Variants in ZSWIM5 observed in about 807,000 individuals in gnomAD.
The protein encoded by ZSWIM5 is zinc finger SWIM domain-containing protein 5.
Under a neutral mutation model 119.6 loss-of-function variants are expected in ZSWIM5, and 55 were observed. The ratio of observed to expected loss-of-function variants is 0.46; its 90% CI spans 0.37 to 0.58. The LOEUF is 0.58. Among genes scored for constraint, ZSWIM5 ranks in the 20% least tolerant of loss-of-function variants. The pLI is 0.00. For synonymous variants in ZSWIM5, 537 were observed against 606.9 expected, an observed-to-expected ratio of 0.88 and a Z score of 1.69; for missense variants, 1,193 against 1,512.8, an observed-to-expected ratio of 0.79 and a Z score of 3.51.
At chr1:45,163,980 A>G (rs1415643072) in intron 1 of ZSWIM5, among the ~76,000 whole-genome samples, 3 of 152,202 alleles carry the variant, frequency 2.0e-5, no homozygotes, top group Non-Finnish European at 4.4e-5. Flanking sequence ...CGCCACAAAG[A>G]TAGTCCTCCA....
chr1:45,100,011 A>C (rs970957906), intron 1 of ZSWIM5, among the ~76,000 whole-genome samples: 28 of 152,250 alleles, frequency 1.8e-4, no homozygotes, highest in South Asian at 1.7e-3. Flanking sequence ...CCTCTCTCAC[A>C]ACTCCTATTC....
Position 45,044,788 on chromosome 1 carries a change from T to A in ZSWIM5, c.1433-1393A>T, listed in dbSNP as rs1411379737. Among the ~76,000 whole-genome samples, 14 of 2,388 alleles carry A rather than the reference T, an allele frequency of 5.9e-3. 1 individual carries two copies. Among genetic ancestry groups the A allele is most frequent in the African/African-American group, 0.016 (13 of 814 alleles). The allele number at this position is 2,388 out of a possible 152,430, so 1.6% of individuals were successfully genotyped here. On this transcript the variant is annotated intron_variant, in intron 5 of 13. Coordinates refer to ENST00000359600, the MANE Select transcript of ZSWIM5 (RefSeq NM_020883.2). Reference sequence around the variant, plus strand: ...ATATATATATATAAATATATATATATAAATATATATATATAAATATATATA... The same window carrying A: ...ATATATATATATAAATATATATATAAAAATATATATATATAAATATATATA...
rs76908768 is a variant in ZSWIM5, at chr1:45,023,635, T to C, written c.2450-2847A>G. Among the ~76,000 whole-genome samples the C allele has an allele frequency of 0.033, 5,043 of 152,282 alleles. 799 individuals are homozygous for C. The East Asian group carries it at 0.51, about 15-fold the overall frequency. ...GAAGAACATCTTGGTTACCTCCAGT[T>C]TGGAGCAATTATAAATAAAGATGCT... On this transcript the variant is annotated intron_variant, in intron 11 of 13. Transcript: ENST00000359600.
intron 11 of ZSWIM5, among the ~76,000 whole-genome samples, chr1:45,024,091 A>G (rs1644905441): frequency 2.0e-5 from 3 of 150,676 alleles, no homozygotes; most frequent in South Asian, 4.2e-4. Context: ...AGTTTTTTGT[A>G]TATTTGGGAT....
chr1:45,135,085 T>C (rs1397456151), intron 1 of ZSWIM5, among the ~76,000 whole-genome samples: 4 of 151,820 alleles, frequency 2.6e-5, no homozygotes, highest in African/African-American at 9.7e-5. Context: ...TTTGGATATA[T>C]ACTCAGAAAT....
At chr1:45,163,961 T>G (rs1448913437) in intron 1 of ZSWIM5, among the ~76,000 whole-genome samples, 2 of 152,008 alleles carry the variant, frequency 1.3e-5, no homozygotes, top group African/African-American at 2.4e-5. Context: ...ATTCAGGAAA[T>G]ACATAGAACG....
At chr1:45,096,554 G>GCACACACA (rs371529571) in intron 1 of ZSWIM5, among the ~76,000 whole-genome samples, 1 of 135,308 alleles carries the variant, frequency 7.4e-6, no homozygotes, top group African/African-American at 2.9e-5. Flanking sequence ...ACACACACAC[G>GCACACACA]CACACACACA....
rs542324423 is a variant in ZSWIM5, at chr1:45,040,427, T to C, written c.1721A>G (p.Gln574Arg). The C allele has an allele frequency of 6.2e-7, 1 of 1,611,190 alleles. No homozygotes were observed. The highest frequency in any genetic ancestry group is 1.7e-5 in the Admixed American group (1 of 59,652). ...AIINTLRLQQQRQLEIYKHQK... is the reference protein window; with the variant it reads ...AIINTLRLQQRRQLEIYKHQK... ...ATGCTTGTAGATTTCCAGTTGCCGCTGCTGCTGCAACCTCAGAGTATTAAT... is the reference window on the plus strand; with the variant it reads ...ATGCTTGTAGATTTCCAGTTGCCGCCGCTGCTGCAACCTCAGAGTATTAAT... The change falls in exon 7 of 14, where the codon CAG becomes CGG. Residue 574 changes from glutamine (Q) to arginine (R), a missense_variant. Gln to Arg is a conservative substitution (Grantham distance 43). Coordinates refer to ENST00000359600, the MANE Select transcript of ZSWIM5 (RefSeq NM_020883.2).
At position 45,043,208 on chromosome 1, in the gene ZSWIM5, G is replaced by C; in HGVS notation, c.1609+11C>G. ...GTGGCTCTAAAGTTCTTAGAGGAGG[G>C]CTAGACTTACCAAGCCACAGTGGCT... On this transcript the variant is annotated intron_variant, in intron 6 of 13. Transcript: ENST00000359600. 2 of 1,612,654 alleles carry C rather than the reference G, an allele frequency of 1.2e-6. No individual in the cohort carries two copies. Among genetic ancestry groups the C allele is most frequent in the Non-Finnish European group, 1.7e-6 (2 of 1,179,828 alleles).
intron 1 of ZSWIM5, among the ~76,000 whole-genome samples, chr1:45,158,576 G>A (rs1645845180): frequency 6.6e-6 from 1 of 152,158 alleles, no homozygotes; most frequent in Admixed American, 6.5e-5. Flanking sequence ...AAGAATTTGA[G>A]CAAGTTATTT....
At chr1:45,085,725 C>A (rs552484906) in intron 2 of ZSWIM5, among the ~76,000 whole-genome samples, 137 of 152,174 alleles carry the variant, frequency 9.0e-4, no homozygotes, top group Non-Finnish European at 1.3e-3. Flanking sequence ...CAAAAAGCAC[C>A]CCATCTTCAT....
intron 1 of ZSWIM5, among the ~76,000 whole-genome samples, chr1:45,196,033 A>AAT (rs1646120166): frequency 2.7e-5 from 3 of 110,212 alleles, no homozygotes; most frequent in African/African-American, 1.0e-4. Flanking sequence ...ACACCCAGCT[A>AAT]GTTTTTTTTT....
At chr1:45,034,997 AGGCT>A (rs1388810510) in intron 10 of ZSWIM5, among the ~76,000 whole-genome samples, 2 of 152,248 alleles carry the variant, frequency 1.3e-5, no homozygotes, top group East Asian at 3.9e-4. Flanking sequence ...CATGCTGCCC[AGGCT>A]GGTCTCAAAC....
intron 2 of ZSWIM5, among the ~76,000 whole-genome samples, chr1:45,076,774 G>C (rs561132965): frequency 6.6e-6 from 1 of 151,908 alleles, no homozygotes; most frequent in Admixed American, 6.6e-5. Flanking sequence ...AGATCTTGTA[G>C]GTATGTATCA....
At chr1:45,185,563 CAA>C (rs1646052895) in intron 1 of ZSWIM5, among the ~76,000 whole-genome samples, 1 of 151,918 alleles carries the variant, frequency 6.6e-6, no homozygotes, top group African/African-American at 2.4e-5. Context: ...AGAAAAAAAA[CAA>C]ACAACCCCAT....
Position 45,167,627 on chromosome 1 carries a change from G to GA in ZSWIM5, c.595+38128dup, listed in dbSNP as rs985598556. On this transcript the variant is annotated intron_variant, in intron 1 of 13. Coordinates refer to ENST00000359600, the MANE Select transcript of ZSWIM5 (RefSeq NM_020883.2). The stretch of plus-strand genomic sequence containing the variant: ...ACAAAGAACTCAAACAAATTTACAA[G>GA]AAAAAAAACAAACAACCCCATCAAA... 2.6e-5 allele frequency among the ~76,000 whole-genome samples: 4 copies of GA among 151,450 alleles called. No homozygotes were observed. In the South Asian group the frequency reaches 6.3e-4, roughly 24 times the overall value.
At chr1:45,034,576 T>G in intron 10 of ZSWIM5, 107 bp from the exon 11 acceptor site, 1 of 1,347,620 alleles carries the variant, frequency 7.4e-7, no homozygotes, top group East Asian at 2.3e-5. Flanking sequence ...GAGGAAAGGA[T>G]TAACTAAGAG....
chr1:45,100,066 A>G (rs1280522935), intron 1 of ZSWIM5, among the ~76,000 whole-genome samples: 2 of 152,174 alleles, frequency 1.3e-5, no homozygotes, highest in Admixed American at 6.5e-5. Context: ...GGCAAGAGAA[A>G]GAAATAAAGG....
At chr1:45,198,590 C>T (rs1460834106) in intron 1 of ZSWIM5, among the ~76,000 whole-genome samples, 1 of 152,170 alleles carries the variant, frequency 6.6e-6, no homozygotes, top group Non-Finnish European at 1.5e-5. Context: ...AATGTTCCTG[C>T]TCATTCCTCT....
Sources: gnomAD v4.1 joint callset for allele counts (sites outside exome capture counted in the v4.1 genomes callset) on GRCh38, gnomAD v4.1.1 for gene constraint, MANE v1.5 for transcripts, NCBI Gene and HGNC (gene_info 2026-07-23, HGNC 2026-07-21) for gene names.